The following EIF5B variants were observed in gnomAD, a reference collection of about 807,000 sequenced individuals.
EIF5B encodes the protein eukaryotic translation initiation factor 5B, also known as eIF-5B.
Under a neutral mutation model 147.5 loss-of-function variants are expected in EIF5B, and 47 were observed. The observed-to-expected ratio is 0.32, with a 90% CI of 0.25 to 0.41. The LOEUF is 0.41. EIF5B is among the 10% of genes least tolerant of loss of function. The probability of loss-of-function intolerance (pLI) is 1.00; values close to 1 mark genes in which losing one functional copy is unlikely to be tolerated. For missense variants in EIF5B, 1,064 were observed against 1,413.2 expected (o/e 0.75, Z 3.96); for synonymous variants, 455 against 456.2 (o/e 1.00, Z 0.03).
chr2:99,397,205 T>G (rs538044216), intron 22 of EIF5B: 1 of 215,392 alleles, frequency 4.6e-6, no homozygotes, highest in South Asian at 1.8e-4. Context: ...CAAGGCACTT[T>G]ACATTATTGC....
chr2:99,337,741 G>A, intron 1 of EIF5B, 152 bp downstream of exon 1: 3 of 1,051,040 alleles, frequency 2.9e-6, no homozygotes, highest in Non-Finnish European at 2.6e-6. Flanking sequence ...GCGGGCCCAA[G>A]CCCCCGGGCC....
At chr2:99,362,780 C>T (rs932876082) in intron 4 of EIF5B, among the ~76,000 whole-genome samples, 7 of 151,274 alleles carry the variant, frequency 4.6e-5, no homozygotes, top group African/African-American at 9.7e-5. Context: ...TTTTTTGAGA[C>T]GGAATTTCAC....
At chr2:99,346,025 A>G (rs1175953663) in intron 1 of EIF5B, among the ~76,000 whole-genome samples, 3 of 152,198 alleles carry the variant, frequency 2.0e-5, no homozygotes, top group Non-Finnish European at 4.4e-5. Flanking sequence ...TTAACATAGC[A>G]AATAGGCATA....
In EIF5B at chr2:99,361,540, A is replaced by T; in HGVS notation, c.639A>T (p.Glu213Asp). Residue 213 changes from glutamate (E) to aspartate (D), a missense_variant, in exon 4 of 24, where the codon GAA (glutamate) becomes GAT (aspartate). By Grantham distance (45) the Glu-to-Asp change is conservative. This residue lies in a region of EIF5B where 458 missense variants were observed against 451.3 expected (regional missense o/e 1.01). Coordinates refer to ENST00000289371, the MANE Select transcript of EIF5B (RefSeq NM_015904.4). The part of the protein sequence containing the change: ...NQKNKPGPNI[E>D]SGNEDDDASF... ...AAAACAAGCCAGGTCCTAACATAGA[A>T]AGTGGGAATGAAGATGATGACGCCT... 1 of 1,613,932 alleles carries T rather than the reference A, an allele frequency of 6.2e-7. No homozygotes were observed.
chr2:99,337,714 G>T (rs2094246396), intron 1 of EIF5B, 125 bp downstream of exon 1: 1 of 1,259,686 alleles, frequency 7.9e-7, no homozygotes, highest in African/African-American at 1.6e-5. Context: ...ACCAGGCCTG[G>T]GCCCAGAGTG....
intron 1 of EIF5B, among the ~76,000 whole-genome samples, chr2:99,349,256 G>A (rs2094279195): frequency 6.6e-6 from 1 of 152,232 alleles, no homozygotes; most frequent in Non-Finnish European, 1.5e-5. Context: ...AGAGGCATTG[G>A]AGAAGAGAGG....
chr2:99,370,028 T>C (rs765548139), intron 8 of EIF5B, among the ~76,000 whole-genome samples: 5 of 152,196 alleles, frequency 3.3e-5, no homozygotes, highest in Non-Finnish European at 5.9e-5. Flanking sequence ...GGATTTTCTC[T>C]GATGCTTTTA....
Position 99,399,329 on chromosome 2 carries a change from C to G in EIF5B, c.3578C>G (p.Ala1193Gly). Reference protein sequence around the residue: ...VSKISRQSIDALKDWFRDEMQ... With the variant: ...VSKISRQSIDGLKDWFRDEMQ... ...CAGATCAGCCGGCAGTCCATTGATGCACTCAAAGACTGGTTCAGAGATGAA... is the reference window on the plus strand; with the variant it reads ...CAGATCAGCCGGCAGTCCATTGATGGACTCAAAGACTGGTTCAGAGATGAA... Residue 1193 changes from alanine (A) to glycine (G), a missense_variant, in exon 24 of 24, where the codon GCA becomes GGA. Ala to Gly is a moderately conservative substitution (Grantham distance 60). Transcript: ENST00000289371. 1 of 1,614,104 alleles carries G rather than the reference C, an allele frequency of 6.2e-7. No individual in the cohort carries two copies. Among genetic ancestry groups the G allele is most frequent in the Non-Finnish European group, 8.5e-7 (1 of 1,180,026 alleles).
chr2:99,392,927 T>C, intron 17 of EIF5B, 40 bp from the exon 18 acceptor site: 1 of 1,385,230 alleles, frequency 7.2e-7, no homozygotes, highest in South Asian at 2.0e-5. Flanking sequence ...GCTAACCACT[T>C]TTAAAGTACA....
chr2:99,377,933 C>G (rs1674597929), intron 10 of EIF5B, among the ~76,000 whole-genome samples: 1 of 152,140 alleles, frequency 6.6e-6, no homozygotes, highest in African/African-American at 2.4e-5. Context: ...CTTAGAATTT[C>G]TGAGTCAGTT....
intron 1 of EIF5B, among the ~76,000 whole-genome samples, chr2:99,344,950 T>C (rs1449855544): frequency 6.6e-6 from 1 of 152,232 alleles, no homozygotes; most frequent in Non-Finnish European, 1.5e-5. Context: ...CAAGAAATTA[T>C]ATAATGTATT....
chr2:99,371,850 A>G, intron 9 of EIF5B, 120 bp downstream of exon 9: 1 of 886,262 alleles, frequency 1.1e-6, no homozygotes, highest in Non-Finnish European at 1.6e-6. Flanking sequence ...GGATAGGGAT[A>G]AGTCTCTTGT....
intron 6 of EIF5B, 121 bp from the exon 7 acceptor site, chr2:99,368,372 A>G (rs1434303876): frequency 2.8e-6 from 2 of 726,710 alleles, no homozygotes; most frequent in African/African-American, 3.6e-5. Context: ...TTTTCCATGA[A>G]TATCCTTTCA....
chr2:99,366,189 A>C (rs928428717), intron 6 of EIF5B, among the ~76,000 whole-genome samples: 2 of 152,254 alleles, frequency 1.3e-5, no homozygotes, highest in Non-Finnish European at 2.9e-5. Context: ...CTCAGTTTGC[A>C]AAGTGAATGG....
chr2:99,341,863 TCA>T (rs1159713428), intron 1 of EIF5B, among the ~76,000 whole-genome samples: 3 of 152,348 alleles, frequency 2.0e-5, no homozygotes, highest in Admixed American at 6.5e-5. Flanking sequence ...AGATAGATCC[TCA>T]CATTTGCTTA....
At chr2:99,378,777 ATT>A (rs1674615163) in intron 10 of EIF5B, among the ~76,000 whole-genome samples, 1 of 152,226 alleles carries the variant, frequency 6.6e-6, no homozygotes. Context: ...ACTTTACAAT[ATT>A]CCTATTCGTA....
rs1305387826 is a variant in EIF5B at position 99,400,161 on chromosome 2, C to G, written c.*747C>G. The G allele has an allele frequency of 6.6e-6, 1 of 151,924 alleles. No individual in the cohort carries two copies. Among genetic ancestry groups the G allele is most frequent in the Non-Finnish European group, 1.5e-5 (1 of 68,036 alleles). 9.4% of individuals were successfully genotyped at this position (151,924 alleles called of 1,614,324 possible). A position where few individuals can be genotyped will look rare whatever the true frequency, so the allele number is the denominator to read the frequency against. ...ATTATCTTACAAACTAAACTATCAT[C>G]ACACTACCTTGTATGCCAGCACCTG... On this transcript the variant is annotated 3_prime_UTR_variant, in exon 24 of 24. Transcript: ENST00000289371.
At chr2:99,371,429 A>G (rs1674448087) in intron 8 of EIF5B, among the ~76,000 whole-genome samples, 5 of 151,320 alleles carry the variant, frequency 3.3e-5, no homozygotes, top group Admixed American at 2.6e-4. Context: ...CGGAGCTTGC[A>G]GTGAGCCGAG....
At position 99,364,293 on chromosome 2, in the gene EIF5B, G is replaced by A; in HGVS notation, c.1160G>A (p.Arg387Lys). 4 of 1,598,562 alleles carry A rather than the reference G, an allele frequency of 2.5e-6. No individual in the cohort carries two copies. The highest frequency in any genetic ancestry group is 3.4e-6 in the Non-Finnish European group (4 of 1,174,758). The stretch of plus-strand genomic sequence containing the variant: ...TAGGAACGATTGGAACAAGAAAAAA[G>A]AGAAAGGAAAAAGCAAAAAGAAAAA... ...KEEERLEQEK[R>K]ERKKQKEKER... The change falls in exon 6 of 24, where the codon AGA (arginine) becomes AAA (lysine). Residue 387 changes from arginine (R) to lysine (K), a missense_variant. Transcript: ENST00000289371.
Sources: gnomAD v4.1 joint callset for allele counts (sites outside exome capture counted in the v4.1 genomes callset) on GRCh38, gnomAD v4.1.1 for gene constraint, gnomAD v4.1.1 regional missense constraint, MANE v1.5 for transcripts, NCBI Gene and HGNC (gene_info 2026-07-23, HGNC 2026-07-21) for gene names.